The following XPO6 variants were observed in gnomAD, a reference collection of about 807,000 sequenced individuals.
XPO6 encodes exportin-6.
XPO6 carries 3 observed loss-of-function variants against 130.0 expected under a neutral mutation model. That is an observed-to-expected ratio of 0.02 (90% CI 0.01 to 0.06). The LOEUF (loss-of-function observed/expected upper bound fraction) is 0.06, where lower values mean the gene tolerates loss of function less well. Ranked by LOEUF, XPO6 falls within the 10% of genes least tolerant of loss-of-function variation. The pLI is 1.00. For missense variants in XPO6, 970 were observed against 1,393.0 expected (o/e 0.70, Z 4.83); for synonymous variants, 524 against 548.9 (o/e 0.95, Z 0.63).
At chr16:28,186,328 C>T (rs560215641) in intron 1 of XPO6, among the ~76,000 whole-genome samples, 6 of 144,794 alleles carry the variant, frequency 4.1e-5, no homozygotes, top group Admixed American at 2.1e-4. Context: ...AGTACTTTAC[C>T]GCCAGATAAA....
chr16:28,203,605 A>G (rs1187651465), intron 1 of XPO6, among the ~76,000 whole-genome samples: 1 of 152,154 alleles, frequency 6.6e-6, no homozygotes, highest in Non-Finnish European at 1.5e-5. Flanking sequence ...TCTTCCTATC[A>G]GTTTACATGT....
At chr16:28,117,140 T>C in intron 15 of XPO6, 178 bp downstream of exon 15, 1 of 747,730 alleles carries the variant, frequency 1.3e-6, no homozygotes. Flanking sequence ...AGTAAAGTTG[T>C]ATCTGAATGC....
intron 4 of XPO6, among the ~76,000 whole-genome samples, chr16:28,171,119 G>A (rs1045005671): frequency 6.7e-6 from 1 of 150,140 alleles, no homozygotes; most frequent in East Asian, 1.9e-4. Context: ...AAACTTTAGG[G>A]AAGAGCAGAA....
chr16:28,157,067 A>G (rs2043195234), intron 6 of XPO6, among the ~76,000 whole-genome samples: 1 of 152,224 alleles, frequency 6.6e-6, no homozygotes, highest in South Asian at 2.1e-4. Context: ...AAGAAAATAT[A>G]AGAGTATTTG....
intron 5 of XPO6, among the ~76,000 whole-genome samples, chr16:28,168,801 A>T (rs550636911): frequency 2.0e-5 from 3 of 150,526 alleles, no homozygotes; most frequent in Non-Finnish European, 4.4e-5. Flanking sequence ...TTTTCCAGAA[A>T]TGGGGGTCTC....
At chr16:28,154,071 C>G (rs896357457) in intron 7 of XPO6, 1 of 985,280 alleles carries the variant, frequency 1.0e-6, no homozygotes, top group Non-Finnish European at 1.2e-6. Flanking sequence ...CTAAAATCAA[C>G]TGTTTTTAGA....
chr16:28,108,153 A>T (rs2080204121), intron 17 of XPO6, among the ~76,000 whole-genome samples: 1 of 152,208 alleles, frequency 6.6e-6, no homozygotes, highest in African/African-American at 2.4e-5. Flanking sequence ...CCAGCCCAGT[A>T]ATCCCACAAA....
intron 14 of XPO6, 101 bp downstream of exon 14, chr16:28,121,569 T>C (rs1488427111): frequency 2.2e-6 from 2 of 899,920 alleles, no homozygotes; most frequent in African/African-American, 3.3e-5. Flanking sequence ...TTTTCCCTGA[T>C]TCATGGCAGC....
intron 9 of XPO6, among the ~76,000 whole-genome samples, chr16:28,135,633 G>A (rs955747574): frequency 5.9e-5 from 9 of 152,080 alleles, no homozygotes; most frequent in Non-Finnish European, 7.4e-5. Flanking sequence ...ATAGTGACCC[G>A]AGCTTTCTTT....
intron 5 of XPO6, among the ~76,000 whole-genome samples, chr16:28,167,730 C>A (rs1189090825): frequency 6.6e-6 from 1 of 152,164 alleles, no homozygotes; most frequent in East Asian, 1.9e-4. Context: ...AAGGTGATCA[C>A]AAAGGCTTTT....
chr16:28,207,559 T>C (rs1488191265), intron 1 of XPO6, among the ~76,000 whole-genome samples: 3 of 152,226 alleles, frequency 2.0e-5, no homozygotes, highest in East Asian at 1.9e-4. Context: ...TGGTTCTAAA[T>C]GTGAAGGTCA....
chr16:28,182,017 A>C (rs186248551), intron 1 of XPO6, among the ~76,000 whole-genome samples: 10 of 152,322 alleles, frequency 6.6e-5, no homozygotes, highest in Non-Finnish European at 7.4e-5. Flanking sequence ...ACCTGCCTGC[A>C]AAAAGGTAAC....
intron 12 of XPO6, among the ~76,000 whole-genome samples, chr16:28,129,014 C>T (rs908901304): frequency 1.3e-5 from 2 of 152,172 alleles, no homozygotes; most frequent in Non-Finnish European, 2.9e-5. Flanking sequence ...GCATCCAGTA[C>T]CCAGGATGGA....
intron 10 of XPO6, among the ~76,000 whole-genome samples, chr16:28,134,983 C>T (rs1260683314): frequency 6.6e-6 from 1 of 152,208 alleles, no homozygotes; most frequent in Non-Finnish European, 1.5e-5. Context: ...TATGGTTTCT[C>T]TACTTACATC....
intron 1 of XPO6, among the ~76,000 whole-genome samples, chr16:28,208,343 T>C (rs889694038): frequency 1.3e-5 from 2 of 151,996 alleles, no homozygotes; most frequent in South Asian, 2.1e-4. Flanking sequence ...CAGCAAGAAA[T>C]GGAGAGGAAA....
chr16:28,207,277 G>GA (rs1318887415), intron 1 of XPO6, among the ~76,000 whole-genome samples: 1 of 149,484 alleles, frequency 6.7e-6, no homozygotes, highest in African/African-American at 2.5e-5. Flanking sequence ...AAGAAAGAAA[G>GA]AAAACAAACC....
chr16:28,105,870 T>C (rs1008246476), intron 20 of XPO6, 173 bp downstream of exon 20: 18 of 938,928 alleles, frequency 1.9e-5, no homozygotes, highest in Non-Finnish European at 2.8e-5. Context: ...ACTCAATCAA[T>C]ATAAAAACAC....
At chr16:28,117,277 A>T in intron 15 of XPO6, 41 bp downstream of exon 15, 1 of 1,609,362 alleles carries the variant, frequency 6.2e-7, no homozygotes, top group South Asian at 1.1e-5. Context: ...AAGGAGAGAC[A>T]GAGAGTTAGA....
chr16:28,100,476 A>G (rs2086632596), intron 23 of XPO6, among the ~76,000 whole-genome samples: 1 of 152,228 alleles, frequency 6.6e-6, no homozygotes, highest in Admixed American at 6.5e-5. Context: ...CCCAAGACAA[A>G]GGAGAACAGG....
Sources: gnomAD v4.1 joint callset for allele counts (sites outside exome capture counted in the v4.1 genomes callset) on GRCh38, gnomAD v4.1.1 for gene constraint, MANE v1.5 for transcripts, NCBI Gene and HGNC (gene_info 2026-07-23, HGNC 2026-07-21) for gene names.